The following SSBP2 variants were observed in gnomAD, a reference collection of about 807,000 sequenced individuals.
SSBP2 encodes the protein single stranded DNA binding protein 2, also known as single-stranded DNA-binding protein 2.
In SSBP2, 17 loss-of-function variants were observed where a neutral mutation model predicts 61.8. That is an observed-to-expected ratio of 0.28 (90% CI 0.19 to 0.41). SSBP2 has a LOEUF of 0.41. Among genes scored for constraint, SSBP2 ranks in the 10% least tolerant of loss-of-function variants. The probability of loss-of-function intolerance (pLI) is 1.00; values close to 1 mark genes in which losing one functional copy is unlikely to be tolerated. For synonymous variants in SSBP2, 139 were observed against 141.3 expected (o/e 0.98, Z 0.12); for missense variants, 310 against 458.7 (o/e 0.68, Z 2.96).
rs367564291 is a variant in SSBP2 at position 81,717,572 on chromosome 5, T to A, written c.62+33409A>T. On this transcript the variant is annotated intron_variant, in intron 1 of 16. Transcript: ENST00000320672. ...ATTCAGACCCCAGGGATCAAATATA[T>A]GACATTTAAATAATTAAATAATACT... 1.4e-4 allele frequency among the ~76,000 whole-genome samples: 22 copies of A among 152,260 alleles called. No homozygotes were observed. The East Asian group carries it at 3.7e-3, about 25-fold the overall frequency.
intron 4 of SSBP2, among the ~76,000 whole-genome samples, chr5:81,523,849 C>T (rs928434774): frequency 2.0e-5 from 3 of 151,890 alleles, no homozygotes; most frequent in Admixed American, 6.6e-5. Flanking sequence ...AAGAGCATTT[C>T]GAAATACCAT....
chr5:81,425,309 C>G (rs747662533), intron 16 of SSBP2, among the ~76,000 whole-genome samples: 6 of 152,106 alleles, frequency 3.9e-5, no homozygotes, highest in Non-Finnish European at 5.9e-5. Context: ...AAATAAAGAA[C>G]AGTTCCTCTA....
At chr5:81,425,164 T>C (rs961354114) in intron 16 of SSBP2, among the ~76,000 whole-genome samples, 2 of 152,246 alleles carry the variant, frequency 1.3e-5, no homozygotes, top group Admixed American at 1.3e-4. Context: ...CCAGTTCATG[T>C]ACCATAAAAT....
chr5:81,473,669 T>C (rs1765401123), intron 8 of SSBP2, 31 bp downstream of exon 8: 2 of 1,604,986 alleles, frequency 1.2e-6, no homozygotes, highest in Non-Finnish European at 1.7e-6. Flanking sequence ...TTCCATATCT[T>C]TGCTATTGTA....
intron 1 of SSBP2, among the ~76,000 whole-genome samples, chr5:81,681,417 G>A (rs1197331027): frequency 1.3e-5 from 2 of 151,606 alleles, no homozygotes. Flanking sequence ...CTAGTTGGGA[G>A]GCTGAGACGG....
At chr5:81,428,868 T>C (rs986518011) in intron 15 of SSBP2, among the ~76,000 whole-genome samples, 185 bp from the exon 16 acceptor site, 6 of 151,926 alleles carry the variant, frequency 3.9e-5, no homozygotes, top group Non-Finnish European at 8.8e-5. Context: ...CCTTCCCAAA[T>C]GAAAATTTAA....
chr5:81,431,597 T>C (rs1442509340), intron 15 of SSBP2, among the ~76,000 whole-genome samples: 4 of 149,464 alleles, frequency 2.7e-5, no homozygotes, highest in Non-Finnish European at 6.0e-5. Flanking sequence ...TCTTCTCTCT[T>C]TTTTTTTTTG....
intron 4 of SSBP2, among the ~76,000 whole-genome samples, chr5:81,595,127 A>G (rs1743578431): frequency 6.6e-6 from 1 of 152,216 alleles, no homozygotes; most frequent in African/African-American, 2.4e-5. Flanking sequence ...GAGAAGAATC[A>G]AATAGACGCA....
intron 1 of SSBP2, among the ~76,000 whole-genome samples, chr5:81,655,480 T>G (rs984079105): frequency 6.6e-6 from 1 of 152,178 alleles, no homozygotes; most frequent in African/African-American, 2.4e-5. Context: ...CATCTTTAAA[T>G]TATCTTCATT....
chr5:81,557,887 T>C lies in SSBP2; in HGVS notation c.283-44170A>G, dbSNP rs367876363. 3.0e-4 allele frequency among the ~76,000 whole-genome samples: 45 copies of C among 152,316 alleles called. 1 individual carries two copies. In the South Asian group the frequency reaches 9.1e-3, roughly 31 times the overall value. ...CTGTGCAATGTCTGGTAATGTCTGA[T>C]TGAAATCCAGACATTATGAATTTTA... is the stretch of plus-strand genomic sequence containing the variant. On this transcript the variant is annotated intron_variant, in intron 4 of 16. Coordinates refer to ENST00000320672, the MANE Select transcript of SSBP2 (RefSeq NM_012446.5).
At chr5:81,690,432 A>G (rs1294253577) in intron 1 of SSBP2, among the ~76,000 whole-genome samples, 2 of 152,144 alleles carry the variant, frequency 1.3e-5, no homozygotes, top group East Asian at 3.8e-4. Flanking sequence ...ACAGAAACCT[A>G]AAAGAACAGA....
At chr5:81,708,005 TGACCA>T in intron 1 of SSBP2, among the ~76,000 whole-genome samples, 1 of 152,298 alleles carries the variant, frequency 6.6e-6, no homozygotes, top group Non-Finnish European at 1.5e-5. Flanking sequence ...TGAGAGCTAA[TGACCA>T]GATGTTAAAC....
intron 4 of SSBP2, among the ~76,000 whole-genome samples, chr5:81,609,976 C>T (rs1041715219): frequency 6.6e-6 from 1 of 152,194 alleles, no homozygotes; most frequent in African/African-American, 2.4e-5. Context: ...AGAACTGTTT[C>T]ATTGCTCAAC....
At chr5:81,597,957 T>TA (rs1743954630) in intron 4 of SSBP2, among the ~76,000 whole-genome samples, 1 of 151,858 alleles carries the variant, frequency 6.6e-6, no homozygotes, top group African/African-American at 2.4e-5. Flanking sequence ...TGTATACATA[T>TA]GTAACAAACC....
At chr5:81,449,706 T>C (rs1422409740) in intron 10 of SSBP2, among the ~76,000 whole-genome samples, 1 of 152,156 alleles carries the variant, frequency 6.6e-6, no homozygotes. Flanking sequence ...TACAACCAAG[T>C]TATGATTTCC....
chr5:81,599,228 T>A (rs1744100967), intron 4 of SSBP2, among the ~76,000 whole-genome samples: 1 of 152,180 alleles, frequency 6.6e-6, no homozygotes, highest in African/African-American at 2.4e-5. Context: ...GCTAAGGATG[T>A]TAACCAATCA....
intron 1 of SSBP2, among the ~76,000 whole-genome samples, chr5:81,735,587 A>ACC (rs1756544691): frequency 6.6e-6 from 1 of 152,210 alleles, no homozygotes; most frequent in African/African-American, 2.4e-5. Context: ...AAAAATCTAC[A>ACC]CTGATCAGTG....
intron 4 of SSBP2, among the ~76,000 whole-genome samples, chr5:81,583,504 C>T (rs561286657): frequency 9.2e-4 from 140 of 152,108 alleles, no homozygotes; most frequent in Non-Finnish European, 1.5e-3. Flanking sequence ...GTGGCAGGCG[C>T]CTGTAGTCCC....
At chr5:81,506,379 A>T (rs1283631892) in intron 5 of SSBP2, among the ~76,000 whole-genome samples, 1 of 152,128 alleles carries the variant, frequency 6.6e-6, no homozygotes, top group African/African-American at 2.4e-5. Flanking sequence ...AACTATATAT[A>T]TTAATGCTGT....
Sources: gnomAD v4.1 joint callset for allele counts (sites outside exome capture counted in the v4.1 genomes callset) on GRCh38, gnomAD v4.1.1 for gene constraint, MANE v1.5 for transcripts, NCBI Gene and HGNC (gene_info 2026-07-23, HGNC 2026-07-21) for gene names.